Variants in USH2A observed in about 807,000 individuals in gnomAD.
USH2A encodes Usher syndrome 2A (autosomal recessive, mild).
A neutral mutation model predicts 538.9 loss-of-function variants in USH2A; 443 were observed. The ratio of observed to expected loss-of-function variants is 0.82; its 90% CI spans 0.76 to 0.89. The LOEUF is 0.89. Ranked by LOEUF, USH2A falls within the 40% of genes least tolerant of loss-of-function variation. The pLI, the probability that USH2A is intolerant of heterozygous loss-of-function variation, is 0.00. For missense variants in USH2A, 6,633 were observed against 6,324.8 expected (o/e 1.05, Z -1.65); for synonymous variants, 2,413 against 2,273.5 (o/e 1.06, Z -1.75).
intron 56 of USH2A, among the ~76,000 whole-genome samples, chr1:215,760,858 C>T (rs973604425): frequency 6.6e-6 from 1 of 152,174 alleles, no homozygotes; most frequent in Non-Finnish European, 1.5e-5. Context: ...AAACTTGCCT[C>T]CATGTCGAAA....
intron 21 of USH2A, among the ~76,000 whole-genome samples, chr1:216,170,806 G>A (rs934077267): frequency 1.6e-4 from 24 of 151,954 alleles, no homozygotes; most frequent in Admixed American, 1.5e-3. Context: ...GATTTACTCT[G>A]CATTCCTGAA....
intron 30 of USH2A, among the ~76,000 whole-genome samples, chr1:216,068,319 T>C (rs762142525): frequency 1.3e-5 from 2 of 152,130 alleles, no homozygotes; most frequent in African/African-American, 2.4e-5. Context: ...GTGATTGGTT[T>C]GGGTTAGTGT....
chr1:216,343,221 T>C (rs2038109770), intron 4 of USH2A, among the ~76,000 whole-genome samples: 1 of 151,908 alleles, frequency 6.6e-6, no homozygotes, highest in African/African-American at 2.4e-5. Context: ...AAAATTCTAA[T>C]ATGATATCAA....
At chr1:216,019,524 C>G (rs1004592162) in intron 32 of USH2A, among the ~76,000 whole-genome samples, 1 of 152,096 alleles carries the variant, frequency 6.6e-6, no homozygotes, top group Non-Finnish European at 1.5e-5. Context: ...AATAGTTGCC[C>G]TCATTGGATC....
In USH2A at chr1:215,751,410, G is replaced by A. The variant is rs553278193; in HGVS notation, c.11389+7185C>T. The stretch of plus-strand genomic sequence containing the variant: ...GACTCACCATCCTTAGTGAGAAAAA[G>A]TATGTGTTAAATGCAATGGCATTGT... On this transcript the variant is annotated intron_variant, in intron 58 of 71. Transcript: ENST00000307340. Among the ~76,000 whole-genome samples, 82 of 152,148 alleles carry A rather than the reference G, an allele frequency of 5.4e-4. No homozygotes were observed. The South Asian group carries it at 0.016, about 29-fold the overall frequency.
chr1:215,625,966 A>G, intron 71 of USH2A, 96 bp from the exon 72 acceptor site: 1 of 1,258,066 alleles, frequency 7.9e-7, no homozygotes, highest in Non-Finnish European at 1.1e-6. Flanking sequence ...AAAAGTAATA[A>G]GTATTAAAGG....
In USH2A at chr1:216,198,597, A is replaced by G. The variant is rs1416148190; in HGVS notation, c.3812-13T>C. On this transcript the variant is annotated splice_polypyrimidine_tract_variant and intron_variant, in intron 17 of 71. Transcript: ENST00000307340. ...CTTATAATTATTCCTAGAGAAATTA[A>G]ATAGTGAACCTACGTAACTCATCAG... is the stretch of plus-strand genomic sequence containing the variant. The G allele has an allele frequency of 2.5e-6, 4 of 1,609,096 alleles. No individual in the cohort carries two copies. The highest frequency in any genetic ancestry group is 1.1e-5 in the South Asian group (1 of 90,982).
At chr1:215,978,903 A>G (rs1281460529) in intron 35 of USH2A, among the ~76,000 whole-genome samples, 1 of 152,220 alleles carries the variant, frequency 6.6e-6, no homozygotes, top group Non-Finnish European at 1.5e-5. Flanking sequence ...GCCTAGAAGT[A>G]AGAAAGTGCA....
intron 69 of USH2A, among the ~76,000 whole-genome samples, chr1:215,638,760 C>T (rs1056281788): frequency 4.6e-5 from 7 of 151,922 alleles, no homozygotes; most frequent in Admixed American, 1.3e-4. Flanking sequence ...AGGCAGATCA[C>T]GAGGTCAGGA....
At chr1:215,790,005 T>G in intron 51 of USH2A, 54 bp downstream of exon 51, 3 of 1,512,642 alleles carry the variant, frequency 2.0e-6, no homozygotes, top group Non-Finnish European at 1.8e-6. Flanking sequence ...ATGAACAATG[T>G]ATTTCTCTTT....
chr1:216,163,982 T>A (rs180796532), intron 21 of USH2A, among the ~76,000 whole-genome samples: 2 of 152,264 alleles, frequency 1.3e-5, no homozygotes, highest in African/African-American at 4.8e-5. Context: ...CTATTTCTTT[T>A]CTCAGCAGGA....
At chr1:215,907,316 A>C (rs753557755) in intron 38 of USH2A, among the ~76,000 whole-genome samples, 3 of 152,010 alleles carry the variant, frequency 2.0e-5, no homozygotes, top group Non-Finnish European at 4.4e-5. Context: ...CTAATCCCTG[A>C]GAGCAAGCCT....
intron 35 of USH2A, among the ~76,000 whole-genome samples, chr1:215,990,315 A>T (rs2102474185): frequency 6.6e-6 from 1 of 152,358 alleles, no homozygotes; most frequent in Admixed American, 6.5e-5. Context: ...GAACAAATAT[A>T]TTGCAGACAC....
At chr1:216,069,055 G>C (rs1007044615) in intron 30 of USH2A, among the ~76,000 whole-genome samples, 1 of 152,068 alleles carries the variant, frequency 6.6e-6, no homozygotes, top group Non-Finnish European at 1.5e-5. Flanking sequence ...AGCTATTCTG[G>C]AAATACAGTA....
chr1:216,048,790 C>T (rs1440926260), intron 30 of USH2A, 143 bp from the exon 31 acceptor site: 1 of 787,858 alleles, frequency 1.3e-6, no homozygotes, highest in East Asian at 2.6e-5. Flanking sequence ...ACATATTCCT[C>T]TTTCAGTCAT....
At chr1:216,411,375 C>T (rs1017149426) in intron 3 of USH2A, among the ~76,000 whole-genome samples, 1 of 152,138 alleles carries the variant, frequency 6.6e-6, no homozygotes, top group African/African-American at 2.4e-5. Flanking sequence ...GAAGCCCTAA[C>T]CCTATGTGCC....
In USH2A at chr1:216,096,748, G is replaced by C. The variant is rs912551812; in HGVS notation, c.4758+335C>G. ...AGAAAGACAGGGAAGGAAGAAAAGG[G>C]GACATGATTTTTTGCTACTAAGAAA... On this transcript the variant is annotated intron_variant, in intron 22 of 71. Coordinates refer to ENST00000307340, the MANE Select transcript of USH2A (RefSeq NM_206933.4). Among the ~76,000 whole-genome samples, 40 of 151,916 alleles carry C rather than the reference G, an allele frequency of 2.6e-4. 2 individuals carry two copies. Among genetic ancestry groups the C allele is most frequent in the Non-Finnish European group, 2.9e-5 (2 of 67,972 alleles).
intron 9 of USH2A, among the ~76,000 whole-genome samples, chr1:216,321,216 C>T (rs17026562): frequency 0.27 from 41,681 of 151,940 alleles, 5,988 homozygotes; most frequent in African/African-American, 0.36. Context: ...GTTACTGCTG[C>T]TGAACCGTCT....
At chr1:216,373,567 G>T (rs962246591) in intron 3 of USH2A, among the ~76,000 whole-genome samples, 1 of 152,072 alleles carries the variant, frequency 6.6e-6, no homozygotes, top group Non-Finnish European at 1.5e-5. Context: ...TTGACCTAAT[G>T]ACCCATTCCC....
Sources: gnomAD v4.1 joint callset for allele counts (sites outside exome capture counted in the v4.1 genomes callset) on GRCh38, gnomAD v4.1.1 for gene constraint, MANE v1.5 for transcripts, NCBI Gene and HGNC (gene_info 2026-07-23, HGNC 2026-07-21) for gene names.